SNAP25: variants seen among roughly 807,000 people sequenced by gnomAD.
SNAP25 encodes synaptosomal-associated protein 25.
In SNAP25, 3 loss-of-function variants were observed where a neutral mutation model predicts 28.7. The observed-to-expected ratio is 0.10, with a 90% CI of 0.05 to 0.27. The LOEUF is 0.27. Among genes scored for constraint, SNAP25 ranks in the 10% least tolerant of loss-of-function variants. SNAP25 has a pLI of 1.00. For missense variants in SNAP25, 117 were observed against 278.7 expected, an observed-to-expected ratio of 0.42 and a Z score of 4.13; for synonymous variants, 61 against 88.1, an observed-to-expected ratio of 0.69 and a Z score of 1.72.
chr20:10,271,232 T>C (rs2063586038), intron 1 of SNAP25, among the ~76,000 whole-genome samples: 1 of 152,216 alleles, frequency 6.6e-6, no homozygotes, highest in Admixed American at 6.5e-5. Context: ...GAAATTACTA[T>C]TAATAAACAT....
chr20:10,275,688 C>T (rs370610069), intron 2 of SNAP25, 125 bp downstream of exon 2: 87 of 690,152 alleles, frequency 1.3e-4, no homozygotes, highest in East Asian at 1.2e-3. Flanking sequence ...AGTAATATGA[C>T]TTTGATTTTC....
chr20:10,306,444 G>T lies in SNAP25; in HGVS notation c.*247G>T. On this transcript the variant is annotated 3_prime_UTR_variant, in exon 8 of 8. Coordinates refer to ENST00000254976, the MANE Select transcript of SNAP25 (RefSeq NM_130811.4). ...TGGCTCTAACTCCTTGAGGTCTTGA[G>T]TTTCATTTTTCATTTTCTCTCCTCG... 8.1e-6 allele frequency: 3 copies of T among 371,186 alleles called. No homozygotes were observed. The highest frequency in any genetic ancestry group is 1.6e-4 in the South Asian group (2 of 12,224). The allele number at this position is 371,186 out of a possible 1,614,324, so 23.0% of individuals were successfully genotyped here.
chr20:10,252,548 G>T (rs1477602465), intron 1 of SNAP25, among the ~76,000 whole-genome samples: 1 of 152,082 alleles, frequency 6.6e-6, no homozygotes, highest in Non-Finnish European at 1.5e-5. Context: ...TACTTTTATT[G>T]TAGTGATGGT....
At chr20:10,301,697 C>T (rs1459742566) in intron 7 of SNAP25, among the ~76,000 whole-genome samples, 1 of 151,950 alleles carries the variant, frequency 6.6e-6, no homozygotes, top group African/African-American at 2.4e-5. Flanking sequence ...ATGATCTTTT[C>T]TCATCACTTG....
chr20:10,247,830 C>A (rs1321168198), intron 1 of SNAP25, among the ~76,000 whole-genome samples: 1 of 152,144 alleles, frequency 6.6e-6, no homozygotes, highest in African/African-American at 2.4e-5. Context: ...AACAAATGAC[C>A]CTCAACTTAA....
At chr20:10,286,851 G>A (rs2063889686) in intron 4 of SNAP25, among the ~76,000 whole-genome samples, 1 of 152,104 alleles carries the variant, frequency 6.6e-6, no homozygotes, top group African/African-American at 2.4e-5. Flanking sequence ...GTTCCATGTT[G>A]AAGATACTGC....
At chr20:10,231,719 C>G (rs1248213953) in intron 1 of SNAP25, 1 of 152,166 alleles carries the variant, frequency 6.6e-6, no homozygotes, top group Non-Finnish European at 1.5e-5. Flanking sequence ...CAAAATGTTT[C>G]ACAATCTGAA....
chr20:10,264,082 C>G (rs2063465999), intron 1 of SNAP25, among the ~76,000 whole-genome samples: 1 of 152,104 alleles, frequency 6.6e-6, no homozygotes, highest in Non-Finnish European at 1.5e-5. Flanking sequence ...TAGGCATAAT[C>G]AGTGTTGGTT....
At chr20:10,241,478 C>A (rs891232364) in intron 1 of SNAP25, among the ~76,000 whole-genome samples, 1 of 151,968 alleles carries the variant, frequency 6.6e-6, no homozygotes, top group African/African-American at 2.4e-5. Context: ...TATTTCCTCT[C>A]GGGGTGATTA....
chr20:10,249,770 G>A (rs181323744), intron 1 of SNAP25, among the ~76,000 whole-genome samples: 36 of 152,202 alleles, frequency 2.4e-4, no homozygotes, highest in African/African-American at 8.4e-4. Flanking sequence ...AAGTTCTCCA[G>A]GTGATTTTTA....
At chr20:10,220,431 T>G (rs189907497) in intron 1 of SNAP25, among the ~76,000 whole-genome samples, 18 of 152,342 alleles carry the variant, frequency 1.2e-4, no homozygotes, top group Admixed American at 1.2e-3. Context: ...CTGGCCTTCC[T>G]CAGGAGAATC....
chr20:10,225,776 A>G (rs529411624), intron 1 of SNAP25, among the ~76,000 whole-genome samples: 33 of 152,248 alleles, frequency 2.2e-4, no homozygotes, highest in African/African-American at 7.9e-4. Context: ...CAGCTTCCCC[A>G]TCACTTCCTT....
At chr20:10,234,964 A>T (rs546189184) in intron 1 of SNAP25, among the ~76,000 whole-genome samples, 1 of 152,366 alleles carries the variant, frequency 6.6e-6, no homozygotes, top group South Asian at 2.1e-4. Flanking sequence ...TGAGAGGCCA[A>T]GGCAGAAGGA....
chr20:10,270,380 T>C (rs772181622), intron 1 of SNAP25, among the ~76,000 whole-genome samples: 16 of 151,958 alleles, frequency 1.1e-4, no homozygotes, highest in Non-Finnish European at 2.1e-4. Context: ...ACCAGCAGCT[T>C]CAGCATCACC....
chr20:10,228,119 A>G (rs1303669158), intron 1 of SNAP25, among the ~76,000 whole-genome samples: 2 of 152,124 alleles, frequency 1.3e-5, no homozygotes, highest in Non-Finnish European at 2.9e-5. Flanking sequence ...TGAATTTTGC[A>G]TATCTTTTTT....
At chr20:10,270,335 C>T (rs1157600843) in intron 1 of SNAP25, among the ~76,000 whole-genome samples, 1 of 152,064 alleles carries the variant, frequency 6.6e-6, no homozygotes, top group Non-Finnish European at 1.5e-5. Context: ...AGAGAAGGTC[C>T]TACAGACCAG....
chr20:10,276,572 C>T (rs1451508280), intron 2 of SNAP25, among the ~76,000 whole-genome samples: 1 of 152,066 alleles, frequency 6.6e-6, no homozygotes, highest in Non-Finnish European at 1.5e-5. Context: ...CCAACACATG[C>T]CTTCATTGTT....
intron 3 of SNAP25, among the ~76,000 whole-genome samples, chr20:10,280,445 C>G (rs1270029352): frequency 2.0e-5 from 3 of 152,172 alleles, no homozygotes; most frequent in Non-Finnish European, 4.4e-5. Context: ...GAATGCCTAA[C>G]TCCGGGATAG....
intron 1 of SNAP25, among the ~76,000 whole-genome samples, chr20:10,231,134 C>T (rs1905283716): frequency 6.6e-6 from 1 of 151,564 alleles, no homozygotes; most frequent in Non-Finnish European, 1.5e-5. Flanking sequence ...GTGTCACCCC[C>T]CACACTTCCT....
Sources: allele counts gnomAD v4.1 joint callset (sites outside exome capture counted in the v4.1 genomes callset), GRCh38; gene constraint gnomAD v4.1.1; transcripts MANE v1.5; gene names NCBI Gene and HGNC (gene_info 2026-07-23, HGNC 2026-07-21).